The following FGFR2 variants were observed in gnomAD, a reference collection of about 807,000 sequenced individuals.
FGFR2 encodes fibroblast growth factor receptor 2, also known as BEK fibroblast growth factor receptor.
FGFR2 carries 19 observed loss-of-function variants against 95.9 expected under a neutral mutation model. The ratio of observed to expected loss-of-function variants is 0.20; its 90% CI spans 0.14 to 0.29. The LOEUF is 0.29. Among genes scored for constraint, FGFR2 ranks in the 10% least tolerant of loss-of-function variants. The pLI is 1.00. For synonymous variants in FGFR2, 392 were observed against 393.3 expected, an observed-to-expected ratio of 1.00 and a Z score of 0.04; for missense variants, 707 against 1,056.9, an observed-to-expected ratio of 0.67 and a Z score of 4.59.
At chr10:121,573,090 C>A (rs1176863810) in intron 2 of FGFR2, among the ~76,000 whole-genome samples, 1 of 152,216 alleles carries the variant, frequency 6.6e-6, no homozygotes, top group African/African-American at 2.4e-5. Flanking sequence ...TAACACTTTA[C>A]GTTGCCAAAC....
In FGFR2 at chr10:121,565,582, G is replaced by A. The variant is rs2135118170; in HGVS notation, c.232C>T (p.His78Tyr). 1.2e-5 allele frequency: 19 copies of A among 1,614,168 alleles called. No individual in the cohort carries two copies. Among genetic ancestry groups the A allele is most frequent in the Non-Finnish European group, 1.5e-5 (18 of 1,180,032 alleles). ...ACTGTCCTATTGTTGGGCCCCAAGT[G>A]CACCCCATCCTTAGTCCAACTGATC... is the stretch of plus-strand genomic sequence containing the variant. ...AVISWTKDGV[H>Y]LGPNNRTVLI... The change falls in exon 3 of 18, where the codon CAC becomes TAC. Residue 78 changes from histidine to tyrosine, a missense_variant. Physicochemically the swap from His to Tyr is moderately conservative, Grantham distance 83. Around this residue, in one of 7 missense-constraint regions of FGFR2, gnomAD observed 178 missense variants for 194.1 expected, o/e 0.92. Coordinates refer to ENST00000358487, the MANE Select transcript of FGFR2 (RefSeq NM_000141.5).
chr10:121,539,488 G>A (rs750696719), intron 5 of FGFR2, among the ~76,000 whole-genome samples: 18 of 152,148 alleles, frequency 1.2e-4, no homozygotes, highest in African/African-American at 1.9e-4. Context: ...ACAAAGAGAC[G>A]CCATTCTTAT....
intron 6 of FGFR2, among the ~76,000 whole-genome samples, chr10:121,532,942 C>A (rs567083900): frequency 1.3e-5 from 2 of 152,340 alleles, no homozygotes; most frequent in South Asian, 4.1e-4. Context: ...CCATGCTGAT[C>A]TGCCGCCATC....
In FGFR2 at chr10:121,593,984, G is replaced by T; in HGVS notation, c.-150-17C>A. The T allele has an allele frequency of 1.4e-6, 1 of 708,162 alleles. No homozygotes were observed. The allele number at this position is 708,162 out of a possible 1,614,324, so 43.9% of individuals were successfully genotyped here. A position where few individuals can be genotyped will look rare whatever the true frequency, so the allele number is the denominator to read the frequency against. The stretch of plus-strand genomic sequence containing the variant: ...CTGCAGTCACTAAAGGAAAGAGATT[G>T]GCGAGTCAGGGAATCTTCCCCAATG... On this transcript the variant is annotated splice_polypyrimidine_tract_variant and intron_variant, in intron 1 of 17. Coordinates refer to ENST00000358487, the MANE Select transcript of FGFR2 (RefSeq NM_000141.5).
intron 4 of FGFR2, among the ~76,000 whole-genome samples, chr10:121,558,797 C>T (rs1856543056): frequency 6.6e-6 from 1 of 151,976 alleles, no homozygotes; most frequent in Non-Finnish European, 1.5e-5. Context: ...CCATATTGGC[C>T]AGGCTGGTCT....
chr10:121,495,838 T>C (rs1047144982), intron 13 of FGFR2, among the ~76,000 whole-genome samples: 20 of 152,222 alleles, frequency 1.3e-4, no homozygotes, highest in Admixed American at 3.9e-4. Context: ...CGCTTCCCTA[T>C]GTGTGGGGCT....
chr10:121,529,298 T>C (rs2134451785), intron 6 of FGFR2, among the ~76,000 whole-genome samples: 1 of 152,120 alleles, frequency 6.6e-6, no homozygotes, highest in Non-Finnish European at 1.5e-5. Flanking sequence ...TTAGTAGAGA[T>C]GGGTTTTTAC....
chr10:121,597,017 A>C (rs914374857), intron 1 of FGFR2, among the ~76,000 whole-genome samples: 1 of 152,222 alleles, frequency 6.6e-6, no homozygotes, highest in African/African-American at 2.4e-5. Context: ...CACCAAACAC[A>C]TAATGGGTGC....
At chr10:121,551,559 C>A in intron 4 of FGFR2, 100 bp from the exon 5 acceptor site, 1 of 1,086,194 alleles carries the variant, frequency 9.2e-7, no homozygotes. Context: ...CATGTAAATG[C>A]TAGGCTATTT....
intron 6 of FGFR2, among the ~76,000 whole-genome samples, chr10:121,528,829 G>C (rs375236689): frequency 1.3e-5 from 2 of 152,298 alleles, no homozygotes; most frequent in East Asian, 1.9e-4. Flanking sequence ...AGCCAGATGG[G>C]AAGCCTCAAG....
At chr10:121,494,733 T>C (rs973368691) in intron 13 of FGFR2, among the ~76,000 whole-genome samples, 27 of 152,254 alleles carry the variant, frequency 1.8e-4, no homozygotes, top group African/African-American at 6.0e-4. Flanking sequence ...AGTGAATGGA[T>C]TGATTATATT....
chr10:121,523,957 C>G (rs1850923084), intron 6 of FGFR2, among the ~76,000 whole-genome samples: 1 of 152,204 alleles, frequency 6.6e-6, no homozygotes, highest in Non-Finnish European at 1.5e-5. Context: ...ACATCTCTGG[C>G]CTGCGCCAGG....
At chr10:121,569,777 A>C (rs1010026923) in intron 2 of FGFR2, among the ~76,000 whole-genome samples, 7 of 152,222 alleles carry the variant, frequency 4.6e-5, no homozygotes, top group African/African-American at 1.7e-4. Context: ...CTGTCTTGGT[A>C]AACTGAGAAA....
At chr10:121,565,765 T>C in intron 2 of FGFR2, 61 bp from the exon 3 acceptor site, 1 of 1,604,372 alleles carries the variant, frequency 6.2e-7, no homozygotes, top group Non-Finnish European at 8.5e-7. Flanking sequence ...GGAGAGAACG[T>C]CCAACAAAGG....
intron 4 of FGFR2, among the ~76,000 whole-genome samples, chr10:121,556,784 C>A (rs2134957859): frequency 6.6e-6 from 1 of 152,258 alleles, no homozygotes; most frequent in East Asian, 1.9e-4. Flanking sequence ...ACAGCCTGTT[C>A]CAGCTCCTAG....
intron 13 of FGFR2, among the ~76,000 whole-genome samples, chr10:121,490,240 T>A (rs1845964611): frequency 7.0e-6 from 1 of 142,992 alleles, no homozygotes. Flanking sequence ...CTTGGCTCAA[T>A]GCAACCTCTG....
intron 6 of FGFR2, among the ~76,000 whole-genome samples, chr10:121,537,339 G>A (rs1024021896): frequency 7.2e-5 from 11 of 152,320 alleles, no homozygotes; most frequent in East Asian, 1.9e-4. Flanking sequence ...AGAGTGTCTC[G>A]TAGATCCAAT....
Position 121,517,893 on chromosome 10 carries a change from A to G in FGFR2, c.940-430T>C, listed in dbSNP as rs1406315880. 6.6e-6 allele frequency among the ~76,000 whole-genome samples: 1 copy of G among 151,916 alleles called. No individual in the cohort carries two copies. The highest frequency in any genetic ancestry group is 1.9e-4 in the East Asian group (1 of 5,152). The stretch of plus-strand genomic sequence containing the variant: ...TGTTTTAAGACAACACACTGCACAT[A>G]AGCCCAGATGGACACCTCACCCATC... On this transcript the variant is annotated intron_variant, in intron 7 of 17. Coordinates refer to ENST00000358487, the MANE Select transcript of FGFR2 (RefSeq NM_000141.5). The surrounding 1 kb of genome is among the most constrained non-coding windows in gnomAD (Gnocchi z 4.7).
intron 3 of FGFR2, among the ~76,000 whole-genome samples, chr10:121,565,234 A>C (rs1403334183): frequency 6.6e-6 from 1 of 152,154 alleles, no homozygotes; most frequent in Non-Finnish European, 1.5e-5. Flanking sequence ...ATCTTAAGAA[A>C]AATGTTACTT....
Sources: gnomAD v4.1 joint callset for allele counts (sites outside exome capture counted in the v4.1 genomes callset) on GRCh38, gnomAD v4.1.1 for gene constraint, gnomAD v4.1.1 regional missense constraint, Gnocchi (gnomAD v3.1) non-coding constraint, MANE v1.5 for transcripts, NCBI Gene and HGNC (gene_info 2026-07-23, HGNC 2026-07-21) for gene names.